PSD3: variants seen among roughly 807,000 people sequenced by gnomAD.
PSD3 encodes pleckstrin and Sec7 domain containing 3, also known as PH and SEC7 domain-containing protein 3.
A neutral mutation model predicts 105.5 loss-of-function variants in PSD3; 49 were observed. The observed-to-expected ratio is 0.46, with a 90% confidence interval of 0.37 to 0.59. The LOEUF is 0.59. Among genes scored for constraint, PSD3 ranks in the 20% least tolerant of loss-of-function variants. PSD3 has a pLI of 0.00. For synonymous variants in PSD3, 557 were observed against 457.8 expected (o/e 1.22, Z -2.77); for missense variants, 1,561 against 1,263.8 (o/e 1.24, Z -3.57).
intron 1 of PSD3, among the ~76,000 whole-genome samples, chr8:19,058,253 G>A (rs1828775500): frequency 6.6e-6 from 1 of 152,072 alleles, no homozygotes; most frequent in Non-Finnish European, 1.5e-5. Context: ...CTACAGCGAT[G>A]AGGAACAGAT....
At chr8:18,946,554 C>T (rs1182308719) in intron 1 of PSD3, among the ~76,000 whole-genome samples, 1 of 104,432 alleles carries the variant, frequency 9.6e-6, no homozygotes, top group Non-Finnish European at 2.1e-5. Context: ...GCACTCCAGC[C>T]TGGGCATGGA....
intron 1 of PSD3, among the ~76,000 whole-genome samples, chr8:18,949,797 A>G (rs1823125236): frequency 6.6e-6 from 1 of 152,332 alleles, no homozygotes; most frequent in East Asian, 1.9e-4. Flanking sequence ...TAAGGTCCTG[A>G]AAATATAAAT....
chr8:18,699,315 T>C (rs1374213500), intron 9 of PSD3, among the ~76,000 whole-genome samples: 1 of 152,212 alleles, frequency 6.6e-6, no homozygotes, highest in African/African-American at 2.4e-5. Flanking sequence ...AAAGAAGCAA[T>C]CTGTTCACCA....
At chr8:18,736,799 C>A (rs965824766) in intron 9 of PSD3, among the ~76,000 whole-genome samples, 1 of 152,164 alleles carries the variant, frequency 6.6e-6, no homozygotes, top group Non-Finnish European at 1.5e-5. Flanking sequence ...TCAATTAAAT[C>A]AGTAATTAGA....
chr8:18,603,736 C>G (rs1230118455), intron 11 of PSD3, among the ~76,000 whole-genome samples: 5 of 152,156 alleles, frequency 3.3e-5, no homozygotes, highest in African/African-American at 7.2e-5. Context: ...ATCCGCTTCT[C>G]GTGACACTGA....
chr8:18,894,991 C>A (rs542091174), intron 2 of PSD3, among the ~76,000 whole-genome samples: 13 of 152,330 alleles, frequency 8.5e-5, no homozygotes, highest in South Asian at 4.1e-4. Context: ...CAAGTCATTG[C>A]CAGTGACAGG....
At chr8:19,078,210 CT>C (rs1478106809) in intron 1 of PSD3, among the ~76,000 whole-genome samples, 1 of 151,958 alleles carries the variant, frequency 6.6e-6, no homozygotes, top group Non-Finnish European at 1.5e-5. Flanking sequence ...AAACAAAAGT[CT>C]TTCAAAGATA....
intron 1 of PSD3, among the ~76,000 whole-genome samples, chr8:18,977,246 C>A (rs1369174285): frequency 3.3e-5 from 4 of 122,748 alleles, no homozygotes; most frequent in Non-Finnish European, 6.6e-5. Context: ...GGCAACAGAA[C>A]AACACCCTAT....
chr8:18,949,569 T>C (rs925213434), intron 1 of PSD3, among the ~76,000 whole-genome samples: 1 of 152,118 alleles, frequency 6.6e-6, no homozygotes, highest in African/African-American at 2.4e-5. Flanking sequence ...CAAATGATCA[T>C]GAGCTTCATA....
intron 9 of PSD3, among the ~76,000 whole-genome samples, chr8:18,764,928 T>A (rs1226223188): frequency 2.6e-5 from 4 of 152,122 alleles, no homozygotes; most frequent in African/African-American, 9.7e-5. Flanking sequence ...TTGAAAACAA[T>A]CTGATGAGGG....
chr8:19,038,077 C>G (rs1174281233), intron 1 of PSD3, among the ~76,000 whole-genome samples: 2 of 152,068 alleles, frequency 1.3e-5, no homozygotes, highest in East Asian at 3.9e-4. Context: ...GAATCCTGAT[C>G]TATCCTTAGC....
chr8:18,689,749 G>A (rs1233421756), intron 9 of PSD3, among the ~76,000 whole-genome samples: 1 of 152,156 alleles, frequency 6.6e-6, no homozygotes, highest in Non-Finnish European at 1.5e-5. Context: ...TGTTTGTCAC[G>A]TAGCCCAACA....
At chr8:18,615,127 C>T (rs1352136843) in intron 11 of PSD3, among the ~76,000 whole-genome samples, 2 of 152,116 alleles carry the variant, frequency 1.3e-5, no homozygotes, top group African/African-American at 2.4e-5. Flanking sequence ...TTAACTTCCT[C>T]GTAAAGCAAC....
chr8:18,820,168 T>G lies in PSD3; in HGVS notation c.1635-15270A>C, dbSNP rs1391717505. Among the ~76,000 whole-genome samples the G allele has an allele frequency of 4.2e-5, 3 of 71,284 alleles. No individual in the cohort carries two copies. In the East Asian group the frequency reaches 1.3e-3, roughly 30 times the overall value. 46.8% of individuals were successfully genotyped at this position (71,284 alleles called of 152,430 possible). A position where few individuals can be genotyped will look rare whatever the true frequency, so the allele number is the denominator to read the frequency against. On this transcript the variant is annotated intron_variant, in intron 4 of 15. Coordinates refer to ENST00000327040, the MANE Select transcript of PSD3 (RefSeq NM_015310.4). ...GTCATAGTTAATTGCTGGCATTTTT[T>G]TCCTTTTTTTTTTTTTTTTCTTGAT...
intron 4 of PSD3, among the ~76,000 whole-genome samples, chr8:18,817,769 A>G (rs1812335516): frequency 6.6e-6 from 1 of 152,198 alleles, no homozygotes; most frequent in Non-Finnish European, 1.5e-5. Flanking sequence ...AGCTCTCTCT[A>G]TGTTGCAGAT....
intron 2 of PSD3, among the ~76,000 whole-genome samples, chr8:18,920,955 C>T (rs1429994057): frequency 6.6e-6 from 1 of 152,170 alleles, no homozygotes; most frequent in Non-Finnish European, 1.5e-5. Context: ...TCCAGAATCT[C>T]TGCGTGATTC....
At chr8:18,925,394 T>C (rs1821297197) in intron 2 of PSD3, among the ~76,000 whole-genome samples, 1 of 151,444 alleles carries the variant, frequency 6.6e-6, no homozygotes. Context: ...TAAAAGTATA[T>C]ATATATATAT....
intron 9 of PSD3, among the ~76,000 whole-genome samples, chr8:18,687,825 G>A (rs1800746148): frequency 1.3e-5 from 2 of 152,100 alleles, no homozygotes; most frequent in South Asian, 4.2e-4. Flanking sequence ...GGAGTACAGT[G>A]GCATGATCTT....
At chr8:18,730,910 A>G (rs1227560058) in intron 9 of PSD3, among the ~76,000 whole-genome samples, 1 of 152,224 alleles carries the variant, frequency 6.6e-6, no homozygotes, top group Non-Finnish European at 1.5e-5. Context: ...CTACCAAAAA[A>G]AAAATCACAT....
Sources: gnomAD v4.1 joint callset for allele counts (sites outside exome capture counted in the v4.1 genomes callset) on GRCh38, gnomAD v4.1.1 for gene constraint, MANE v1.5 for transcripts, NCBI Gene and HGNC (gene_info 2026-07-23, HGNC 2026-07-21) for gene names.